EXOC5: variants seen among roughly 807,000 people sequenced by gnomAD.
EXOC5 encodes the protein SEC10-like 1.
Under a neutral mutation model 90.8 loss-of-function variants are expected in EXOC5, and 17 were observed. That is an observed-to-expected ratio of 0.19 (90% CI 0.13 to 0.28). EXOC5 has a LOEUF of 0.28. Ranked by LOEUF, EXOC5 falls within the 10% of genes least tolerant of loss-of-function variation. The pLI is 1.00. For synonymous variants in EXOC5, 260 were observed against 270.0 expected, an observed-to-expected ratio of 0.96 and a Z score of 0.36; for missense variants, 569 against 830.6, an observed-to-expected ratio of 0.69 and a Z score of 3.87.
intron 1 of EXOC5, among the ~76,000 whole-genome samples, chr14:57,259,721 T>A (rs1324694591): frequency 1.3e-5 from 2 of 152,200 alleles, no homozygotes; most frequent in East Asian, 3.8e-4. Flanking sequence ...AAAATTCAAA[T>A]CCCAACACAG....
Position 57,238,375 on chromosome 14 carries a change from T to TATACACACAC in EXOC5, c.531-1010_531-1009insGTGTGTGTAT, listed in dbSNP as rs1239623225. ...ATATATATATATATATATATATATA[T>TATACACACAC]ACACACACACACACACACACACACA... is the stretch of plus-strand genomic sequence containing the variant. On this transcript the variant is annotated intron_variant, in intron 5 of 17. Transcript: ENST00000621441. 5.7e-3 allele frequency among the ~76,000 whole-genome samples: 428 copies of TATACACACAC among 74,850 alleles called. 2 individuals carry two copies. The highest frequency in any genetic ancestry group is 0.01 in the Non-Finnish European group (356 of 35,494). 49.1% of individuals were successfully genotyped at this position (74,850 alleles called of 152,430 possible). A position where few individuals can be genotyped will look rare whatever the true frequency, so the allele number is the denominator to read the frequency against.
intron 6 of EXOC5, 132 bp downstream of exon 6, chr14:57,237,206 G>A (rs974590760): frequency 6.3e-6 from 4 of 631,558 alleles, no homozygotes; most frequent in Non-Finnish European, 1.2e-5. Flanking sequence ...CAAACTCAGG[G>A]ATCTTCTATG....
intron 1 of EXOC5, among the ~76,000 whole-genome samples, chr14:57,267,894 T>C (rs1884732019): frequency 6.6e-6 from 1 of 152,220 alleles, no homozygotes; most frequent in African/African-American, 2.4e-5. Flanking sequence ...GTGCATTATA[T>C]ACATGAAACG....
intron 14 of EXOC5, among the ~76,000 whole-genome samples, 182 bp downstream of exon 14, chr14:57,219,140 G>A (rs1883054809): frequency 1.3e-5 from 2 of 151,986 alleles, no homozygotes; most frequent in South Asian, 2.1e-4. Flanking sequence ...AGAAATGCAA[G>A]AAGAAACAAT....
At chr14:57,248,994 G>A (rs1884107558) in intron 1 of EXOC5, among the ~76,000 whole-genome samples, 1 of 152,066 alleles carries the variant, frequency 6.6e-6, no homozygotes, top group Admixed American at 6.5e-5. Flanking sequence ...CTTATATTTA[G>A]AGCTACTTAG....
At chr14:57,239,054 A>AT (rs1566499346) in intron 5 of EXOC5, among the ~76,000 whole-genome samples, 1 of 152,088 alleles carries the variant, frequency 6.6e-6, no homozygotes. Context: ...TTTAAAAAAA[A>AT]GGGGTTCTTA....
intron 12 of EXOC5, among the ~76,000 whole-genome samples, chr14:57,224,170 G>A (rs1239097739): frequency 6.6e-6 from 1 of 151,992 alleles, no homozygotes; most frequent in Non-Finnish European, 1.5e-5. Context: ...AAAAACAGGG[G>A]GTTTGGGGTG....
intron 1 of EXOC5, among the ~76,000 whole-genome samples, chr14:57,251,151 T>C (rs77492021): frequency 4.1e-4 from 62 of 152,294 alleles, no homozygotes; most frequent in African/African-American, 1.4e-3. Context: ...AATGTGGTAA[T>C]TTTGGTCAAT....
At chr14:57,213,543 G>A (rs1882886470) in intron 15 of EXOC5, among the ~76,000 whole-genome samples, 1 of 151,772 alleles carries the variant, frequency 6.6e-6, no homozygotes, top group South Asian at 2.1e-4. Context: ...GAGTAGCTGG[G>A]ATTACAGGCT....
intron 3 of EXOC5, among the ~76,000 whole-genome samples, chr14:57,245,623 C>T (rs1884010678): frequency 6.6e-6 from 1 of 152,150 alleles, no homozygotes; most frequent in South Asian, 2.1e-4. Flanking sequence ...TTCCTTATTT[C>T]TCATAGCCAC....
At position 57,222,344 on chromosome 14, in the gene EXOC5, C is replaced by T; in HGVS notation, c.1369G>A (p.Glu457Lys). The T allele has an allele frequency of 6.3e-7, 1 of 1,591,250 alleles. No homozygotes were observed. Residue 457 changes from glutamate to lysine, a missense_variant, in exon 13 of 18, where the codon GAG (glutamate) becomes AAG (lysine). Glu to Lys is a moderately conservative substitution (Grantham distance 56, BLOSUM62 1). Around this residue, in one of 9 missense-constraint regions of EXOC5, gnomAD observed 56 missense variants for 51.1 expected, o/e 1.10. Coordinates refer to ENST00000621441, the MANE Select transcript of EXOC5 (RefSeq NM_006544.4). ...FTILVEFLCI[E>K]HIDYALETGL... ...GTTTCCAAAGCATAATCAATATGCT[C>T]AATACATAAAAATTCCACAAGAATG... is the stretch of plus-strand genomic sequence containing the variant.
At chr14:57,227,164 T>C (rs564910717) in intron 12 of EXOC5, among the ~76,000 whole-genome samples, 9 of 152,202 alleles carry the variant, frequency 5.9e-5, no homozygotes, top group Non-Finnish European at 1.0e-4. Context: ...CCAGAGAGTA[T>C]ATATTGACGG....
In EXOC5 at chr14:57,218,052, A is replaced by G. The variant is rs772921357; in HGVS notation, c.1543T>C (p.Ser515Pro). The change falls in exon 15 of 18, where the codon TCT becomes CCT. Residue 515 changes from serine (S) to proline (P), a missense_variant. Coordinates refer to ENST00000621441, the MANE Select transcript of EXOC5 (RefSeq NM_006544.4). ...MPLISSSPKLSECLQKKKEII... is the reference protein window; with the variant it reads ...MPLISSSPKLPECLQKKKEII... ...TCTTTTTTCTTCTGAAGGCATTCAG[A>G]TAACTTAGGAGAAGAGCTATTGTAT... 6 of 1,492,456 alleles carry G rather than the reference A, an allele frequency of 4.0e-6. No individual in the cohort carries two copies. The East Asian group carries it at 9.1e-5, about 23-fold the overall frequency. 92.5% of individuals were successfully genotyped at this position (1,492,456 alleles called of 1,614,324 possible).
At position 57,268,727 on chromosome 14, in the gene EXOC5, G is replaced by A. The variant is rs892869608; in HGVS notation, c.-79C>T. On this transcript the variant is annotated 5_prime_UTR_variant, in exon 1 of 18. Coordinates refer to ENST00000621441, the MANE Select transcript of EXOC5 (RefSeq NM_006544.4). ...CTGCGCCTCAGAGGCGCGGCGCACAGGTCTCCGCTCGGCTCGCCAGCTCCG... is the reference window on the plus strand; with the variant it reads ...CTGCGCCTCAGAGGCGCGGCGCACAAGTCTCCGCTCGGCTCGCCAGCTCCG... 14 of 1,519,630 alleles carry A rather than the reference G, an allele frequency of 9.2e-6. No homozygotes were observed. In the East Asian group the frequency reaches 3.0e-4, roughly 32 times the overall value. The allele number at this position is 1,519,630 out of a possible 1,614,324, so 94.1% of individuals were successfully genotyped here.
At chr14:57,248,692 A>G (rs948094064) in intron 1 of EXOC5, among the ~76,000 whole-genome samples, 5 of 152,098 alleles carry the variant, frequency 3.3e-5, no homozygotes, top group Non-Finnish European at 5.9e-5. Flanking sequence ...CCTCCTACCT[A>G]GCATGTAACT....
chr14:57,225,374 T>C (rs61994954), intron 12 of EXOC5, among the ~76,000 whole-genome samples: 18,992 of 152,246 alleles, frequency 0.12, 1,616 homozygotes, highest in South Asian at 0.32. Context: ...ATTAGTATCA[T>C]ACTTAATGGT....
At position 57,235,932 on chromosome 14, in the gene EXOC5, G is replaced by A. The variant is rs894230444; in HGVS notation, c.560-112C>T. On this transcript the variant is annotated intron_variant, in intron 6 of 17. Transcript: ENST00000621441. Reference sequence around the variant, plus strand: ...CTATGAATATAGCTTTCTTTTGAAGGAATTACAAAAACAAATGAGATTATA... The same window carrying A: ...CTATGAATATAGCTTTCTTTTGAAGAAATTACAAAAACAAATGAGATTATA... 1.4e-5 allele frequency: 9 copies of A among 629,456 alleles called. No individual in the cohort carries two copies. The African/African-American group carries it at 1.5e-4, about 10-fold the overall frequency. The allele number at this position is 629,456 out of a possible 1,614,324, so 39.0% of individuals were successfully genotyped here.
chr14:57,208,933 G>T (rs75268652), intron 17 of EXOC5, 136 bp from the exon 18 acceptor site: 3 of 548,378 alleles, frequency 5.5e-6, no homozygotes, highest in East Asian at 2.8e-5. Flanking sequence ...ATTTTTTAAA[G>T]ATCACAATGC....
chr14:57,264,990 CTT>C (rs903206870), intron 1 of EXOC5, among the ~76,000 whole-genome samples: 40 of 152,060 alleles, frequency 2.6e-4, no homozygotes, highest in Non-Finnish European at 4.4e-5. Context: ...ATAAAAGTCT[CTT>C]TAAAAAAGAA....
Sources: allele counts gnomAD v4.1 joint callset (sites outside exome capture counted in the v4.1 genomes callset), GRCh38; gene constraint gnomAD v4.1.1; regional missense constraint gnomAD v4.1.1; transcripts MANE v1.5; gene names NCBI Gene and HGNC (gene_info 2026-07-23, HGNC 2026-07-21).